GLB1: variants seen among roughly 807,000 people sequenced by gnomAD.
GLB1 encodes the protein galactosidase beta 1.
A neutral mutation model predicts 74.0 loss-of-function variants in GLB1; 56 were observed. The ratio of observed to expected loss-of-function variants is 0.76; its 90% confidence interval spans 0.61 to 0.94. The LOEUF (loss-of-function observed/expected upper bound fraction) is 0.94. Ranked by LOEUF, GLB1 falls within the 40% of genes least tolerant of loss-of-function variation. The pLI is 0.00. For missense variants in GLB1, 787 were observed against 845.5 expected (o/e 0.93, Z 0.86); for synonymous variants, 323 against 323.6 (o/e 1.00, Z 0.02).
intron 1 of GLB1, among the ~76,000 whole-genome samples, chr3:33,075,661 G>A (rs1410613588): frequency 6.6e-6 from 1 of 152,114 alleles, no homozygotes; most frequent in Non-Finnish European, 1.5e-5. Context: ...ATAAATGGCA[G>A]GGAACCCAGG....
At position 33,093,198 on chromosome 3, in the gene GLB1, C is replaced by T; in HGVS notation, c.75+3813G>A. ...GATGTCTGCTTCAATATCGTCCACC[C>T]CAGCCAAGCAGATCCAGTCCTCATC... On this transcript the variant is annotated intron_variant, in intron 1 of 15. Transcript: ENST00000307363. This position sits in a 1 kb window ranked among gnomAD's most constrained non-coding sequence, Gnocchi z 6.0. 1 of 1,613,978 alleles carries T rather than the reference C, an allele frequency of 6.2e-7. No homozygotes were observed. The highest frequency in any genetic ancestry group is 8.5e-7 in the Non-Finnish European group (1 of 1,179,974).
intron 15 of GLB1, among the ~76,000 whole-genome samples, chr3:33,005,511 G>A (rs1696748780): frequency 6.6e-6 from 1 of 152,106 alleles, no homozygotes; most frequent in Non-Finnish European, 1.5e-5. Context: ...GAGACCAAGT[G>A]ACTAACACTG....
chr3:32,997,044 A>T lies in GLB1; in HGVS notation c.*1T>A, dbSNP rs1241510644. ...TCCCTCAAAGACACAGGCTTTCATCATCATACATGGTCCAGCCATGAATCT... is the reference window on the plus strand; with the variant it reads ...TCCCTCAAAGACACAGGCTTTCATCTTCATACATGGTCCAGCCATGAATCT... On this transcript the variant is annotated 3_prime_UTR_variant, in exon 16 of 16. Transcript: ENST00000307363. The T allele has an allele frequency of 1.9e-6, 3 of 1,613,948 alleles. No individual in the cohort carries two copies. The highest frequency in any genetic ancestry group is 2.5e-6 in the Non-Finnish European group (3 of 1,180,032).
intron 6 of GLB1, 38 bp downstream of exon 6, chr3:33,058,047 AGCTG>A: frequency 6.2e-7 from 1 of 1,611,740 alleles, no homozygotes; most frequent in Non-Finnish European, 8.5e-7. Flanking sequence ...CTGAGTAAAA[AGCTG>A]ATTTTAAGCT....
At chr3:32,990,899 G>A in the GLB1 span, among the ~76,000 whole-genome samples, 4 of 152,074 alleles carry the variant, frequency 2.6e-5, no homozygotes, top group Admixed American at 2.0e-4. Flanking sequence ...GCGTGAACCC[G>A]GGAGGTGGAG....
At chr3:33,034,714 G>C in intron 10 of GLB1, 1 of 710,706 alleles carries the variant, frequency 1.4e-6, no homozygotes, top group East Asian at 2.9e-5. Flanking sequence ...TGAGGAAGCA[G>C]TTGGTTGATG....
At position 33,036,290 on chromosome 3, in the gene GLB1, G is replaced by A. The variant is rs1237619880; in HGVS notation, c.1068+9830C>T. Among the ~76,000 whole-genome samples the A allele has an allele frequency of 7.0e-4, 107 of 152,314 alleles. 1 individual carries two copies. The highest frequency in any genetic ancestry group is 1.3e-4 in the Non-Finnish European group (9 of 68,028). On this transcript the variant is annotated intron_variant, in intron 10 of 15. Transcript: ENST00000307363. ...AGAGCAAGGGAAGGTCAAGAAAAGT[G>A]TGTGGAGTTTCAGGGATAGGGGATG...
intron 10 of GLB1, chr3:33,034,705 G>C: frequency 4.2e-6 from 3 of 718,888 alleles, no homozygotes; most frequent in Non-Finnish European, 2.6e-6. Flanking sequence ...AGGTGACCCT[G>C]AGGAAGCAGT....
rs1435624919 is a variant in GLB1, at chr3:32,997,076, T to C, written c.2003A>G (p.Lys668Arg). 1.2e-6 allele frequency: 2 copies of C among 1,614,104 alleles called. No individual in the cohort carries two copies. Among genetic ancestry groups the C allele is most frequent in the Non-Finnish European group, 1.7e-6 (2 of 1,180,002 alleles). ...ATGGTCCAGCCATGAATCTTTGTTT[T>C]TTTGCGGGGGTGGGGGCATGAGTCT... The part of the protein sequence containing the change: ...EKRLMPPPPQ[K>R]NKDSWLDHV Residue 668 changes from lysine to arginine, a missense_variant, in exon 16 of 16, where the codon AAA becomes AGA. Lys to Arg is a conservative substitution (Grantham distance 26). Coordinates refer to ENST00000307363, the MANE Select transcript of GLB1 (RefSeq NM_000404.4).
chr3:33,014,123 A>G lies in GLB1; in HGVS notation c.1667T>C (p.Phe556Ser). 6.2e-7 allele frequency: 1 copy of G among 1,614,136 alleles called. No homozygotes were observed. The highest frequency in any genetic ancestry group is 8.5e-7 in the Non-Finnish European group (1 of 1,180,012). ...GTCTGGGATCCCACTGGGAATGGAG[A>G]AGTTCCCCATATAAAAGGCCGGGAG... ...YTLPAFYMGNFSIPSGIPDLP... is the reference protein window; with the variant it reads ...YTLPAFYMGNSSIPSGIPDLP... The change falls in exon 15 of 16, where the codon TTC becomes TCC. Residue 556 changes from phenylalanine to serine, a missense_variant. Physicochemically the swap from Phe to Ser is radical, Grantham distance 155 (BLOSUM62 -2). Transcript: ENST00000307363.
At chr3:33,069,159 G>A (rs1306180927) in intron 2 of GLB1, among the ~76,000 whole-genome samples, 189 bp from the exon 3 acceptor site, 1 of 152,154 alleles carries the variant, frequency 6.6e-6, no homozygotes, top group Admixed American at 6.5e-5. Context: ...GGAAGTCACG[G>A]TGGGTGGATG....
chr3:33,006,491 T>C (rs556972447), intron 15 of GLB1, among the ~76,000 whole-genome samples: 130 of 151,408 alleles, frequency 8.6e-4, no homozygotes, highest in African/African-American at 2.9e-3. Context: ...ACCAACAAGG[T>C]TGGGGACCAC....
the GLB1 span, among the ~76,000 whole-genome samples, chr3:32,978,660 C>G: frequency 6.6e-6 from 1 of 151,914 alleles, no homozygotes; most frequent in African/African-American, 2.4e-5. Context: ...TGTGATAGAT[C>G]TGAGATGGTG....
chr3:33,017,334 G>C (rs1697276330), intron 13 of GLB1, among the ~76,000 whole-genome samples: 1 of 152,132 alleles, frequency 6.6e-6, no homozygotes, highest in Non-Finnish European at 1.5e-5. Context: ...ACAGAATGAG[G>C]AAAAACAACA....
chr3:33,091,535 C>T (rs904989568), intron 1 of GLB1: 6 of 985,494 alleles, frequency 6.1e-6, no homozygotes, highest in African/African-American at 1.7e-5. Flanking sequence ...TCCACTGGAA[C>T]GTTGAAAAAT....
At chr3:33,011,561 C>G (rs1318066475) in intron 15 of GLB1, among the ~76,000 whole-genome samples, 1 of 147,232 alleles carries the variant, frequency 6.8e-6, no homozygotes, top group East Asian at 2.0e-4. Context: ...AGGAGAATTG[C>G]TTGAGCCCGG....
chr3:33,057,981 T>G, intron 6 of GLB1, 108 bp downstream of exon 6: 1 of 1,433,764 alleles, frequency 7.0e-7, no homozygotes, highest in Non-Finnish European at 9.6e-7. Flanking sequence ...AATGAAAACA[T>G]GAAAAATCTC....
chr3:32,972,619 G>A, the GLB1 span, among the ~76,000 whole-genome samples: 6 of 152,142 alleles, frequency 3.9e-5, no homozygotes, highest in African/African-American at 7.2e-5. Flanking sequence ...ACACACTACC[G>A]TGCAGTTGAT....
the GLB1 span, among the ~76,000 whole-genome samples, chr3:32,979,138 G>T: frequency 6.6e-6 from 1 of 151,750 alleles, no homozygotes; most frequent in Non-Finnish European, 1.5e-5. Context: ...CACCATGCCC[G>T]GCTAATTTTG....
Sources: gnomAD v4.1 joint callset for allele counts (sites outside exome capture counted in the v4.1 genomes callset) on GRCh38, gnomAD v4.1.1 for gene constraint, Gnocchi (gnomAD v3.1) non-coding constraint, MANE v1.5 for transcripts, NCBI Gene and HGNC (gene_info 2026-07-23, HGNC 2026-07-21) for gene names.